The following PDE8A variants were observed in gnomAD, a reference collection of about 807,000 sequenced individuals.
PDE8A encodes the protein high affinity cAMP-specific and IBMX-insensitive 3',5'-cyclic phosphodiesterase 8A.
A neutral mutation model predicts 105.0 loss-of-function variants in PDE8A; 59 were observed. That is an observed-to-expected ratio of 0.56 (90% CI 0.46 to 0.70). PDE8A has a LOEUF of 0.70. Among genes scored for constraint, PDE8A ranks in the 30% least tolerant of loss-of-function variants. The pLI is 0.00. For missense variants in PDE8A, 1,014 were observed against 1,045.9 expected (o/e 0.97, Z 0.42); for synonymous variants, 355 against 371.9 (o/e 0.95, Z 0.52).
At chr15:85,090,406 A>G (rs2081622028) in intron 7 of PDE8A, among the ~76,000 whole-genome samples, 1 of 152,196 alleles carries the variant, frequency 6.6e-6, no homozygotes, top group Non-Finnish European at 1.5e-5. Context: ...TTTTATCATC[A>G]TCATCATTAG....
At chr15:85,012,463 C>T (rs1596441721) in intron 1 of PDE8A, among the ~76,000 whole-genome samples, 1 of 150,544 alleles carries the variant, frequency 6.6e-6, no homozygotes, top group Non-Finnish European at 1.5e-5. Flanking sequence ...AAACCAAACA[C>T]CGCATGTTCT....
chr15:85,109,115 T>G lies in PDE8A; in HGVS notation c.1099T>G (p.Ser367Ala). The change falls in exon 12 of 22, where the codon TCC becomes GCC. Residue 367 changes from serine (S) to alanine (A), a missense_variant. Transcript: ENST00000394553. The part of the protein sequence containing the change: ...KGSLDVKAVA[S>A]RATEVSSQRR... ...CTCACTAGACGTCAAAGCTGTTGCC[T>G]CCCGTGCAACTGAAGGTGAGTGACA... 1 of 1,609,370 alleles carries G rather than the reference T, an allele frequency of 6.2e-7. No individual in the cohort carries two copies. The highest frequency in any genetic ancestry group is 1.3e-5 in the African/African-American group (1 of 74,948).
In PDE8A at chr15:85,118,650, A is replaced by G. The variant is rs182997650; in HGVS notation, c.1734+811A>G. ...ACCTCAACAATGAGCTCCTCTCATC[A>G]TTTCTTCTCCTTTGTCCCAGTCACA... is the stretch of plus-strand genomic sequence containing the variant. On this transcript the variant is annotated intron_variant, in intron 17 of 21. Coordinates refer to ENST00000394553, the MANE Select transcript of PDE8A (RefSeq NM_002605.3). Among the ~76,000 whole-genome samples the G allele has an allele frequency of 2.6e-3, 395 of 152,258 alleles. 1 individual carries two copies. The highest frequency in any genetic ancestry group is 3.4e-3 in the Non-Finnish European group (229 of 68,020).
At chr15:85,024,951 A>G (rs1462856285) in intron 1 of PDE8A, among the ~76,000 whole-genome samples, 1 of 152,222 alleles carries the variant, frequency 6.6e-6, no homozygotes. Context: ...ATTACACATT[A>G]AAAAGTGCAT....
At chr15:85,019,251 A>T (rs770051450) in intron 1 of PDE8A, among the ~76,000 whole-genome samples, 1 of 152,208 alleles carries the variant, frequency 6.6e-6, no homozygotes, top group Non-Finnish European at 1.5e-5. Flanking sequence ...TGAAAATGGA[A>T]TTGTGGTTGA....
chr15:85,109,999 G>T (rs1362986413), intron 12 of PDE8A, among the ~76,000 whole-genome samples: 2 of 152,200 alleles, frequency 1.3e-5, no homozygotes, highest in East Asian at 3.8e-4. Context: ...TCTCTGTGTA[G>T]CCTTGAGGGT....
At position 85,021,635 on chromosome 15, in the gene PDE8A, A is replaced by C. The variant is rs542727098; in HGVS notation, c.186+39287A>C. On this transcript the variant is annotated intron_variant, in intron 1 of 21. Coordinates refer to ENST00000394553, the MANE Select transcript of PDE8A (RefSeq NM_002605.3). ...TGACTAAGACAACAGCAGAAGAAAA[A>C]AAAATACTGTTACTTTCTGATCTCA... is the stretch of plus-strand genomic sequence containing the variant. 3.4e-4 allele frequency among the ~76,000 whole-genome samples: 52 copies of C among 152,310 alleles called. No individual in the cohort carries two copies. In the South Asian group the frequency reaches 0.01, roughly 30 times the overall value.
At chr15:84,985,231 G>A (rs1276474408) in intron 1 of PDE8A, among the ~76,000 whole-genome samples, 1 of 152,190 alleles carries the variant, frequency 6.6e-6, no homozygotes, top group Non-Finnish European at 1.5e-5. Context: ...CTCAACGAAT[G>A]TAATTTGCTT....
intron 7 of PDE8A, among the ~76,000 whole-genome samples, chr15:85,090,419 C>T (rs1021579778): frequency 6.6e-6 from 1 of 152,154 alleles, no homozygotes. Context: ...ATCATTAGCA[C>T]GTGCACAGTT....
At chr15:85,000,912 A>G (rs1444111922) in intron 1 of PDE8A, among the ~76,000 whole-genome samples, 1 of 152,134 alleles carries the variant, frequency 6.6e-6, no homozygotes, top group Non-Finnish European at 1.5e-5. Flanking sequence ...TCATTTTTCT[A>G]ACTCCCAGAT....
At chr15:85,017,467 C>G (rs2080345463) in intron 1 of PDE8A, among the ~76,000 whole-genome samples, 1 of 150,570 alleles carries the variant, frequency 6.6e-6, no homozygotes, top group Non-Finnish European at 1.5e-5. Flanking sequence ...TGGATAGTAT[C>G]TTTAATACAG....
At chr15:85,046,632 A>G (rs1202891076) in intron 1 of PDE8A, among the ~76,000 whole-genome samples, 1 of 152,228 alleles carries the variant, frequency 6.6e-6, no homozygotes, top group Non-Finnish European at 1.5e-5. Context: ...AACAGACAAA[A>G]AAGAAGATAG....
intron 1 of PDE8A, among the ~76,000 whole-genome samples, chr15:85,051,997 G>A (rs925676202): frequency 1.6e-4 from 22 of 139,434 alleles, no homozygotes; most frequent in African/African-American, 4.8e-4. Flanking sequence ...AGCAGGCCCC[G>A]GTGTGTGATG....
intron 1 of PDE8A, among the ~76,000 whole-genome samples, chr15:85,020,092 G>A (rs896977713): frequency 6.6e-6 from 1 of 151,848 alleles, no homozygotes; most frequent in African/African-American, 2.4e-5. Flanking sequence ...AAAGAAGGAG[G>A]TTTATGGTTG....
chr15:85,012,275 A>G (rs2080251426), intron 1 of PDE8A, among the ~76,000 whole-genome samples: 1 of 152,196 alleles, frequency 6.6e-6, no homozygotes, highest in African/African-American at 2.4e-5. Flanking sequence ...ACTATTCACA[A>G]TAGCAAAGAC....
At chr15:85,004,838 T>G (rs2080120530) in intron 1 of PDE8A, among the ~76,000 whole-genome samples, 1 of 136,222 alleles carries the variant, frequency 7.3e-6, no homozygotes, top group African/African-American at 2.7e-5. Context: ...AATTACATTT[T>G]TTAATATTCT....
chr15:85,029,436 C>G (rs2080576118), intron 1 of PDE8A, among the ~76,000 whole-genome samples: 1 of 130,166 alleles, frequency 7.7e-6, no homozygotes, highest in African/African-American at 3.2e-5. Context: ...TTTTTAATGA[C>G]TTTATTTAAA....
intron 19 of PDE8A, among the ~76,000 whole-genome samples, chr15:85,124,253 G>T (rs1180273697): frequency 1.3e-5 from 2 of 152,162 alleles, no homozygotes. Context: ...GTAGAATGGG[G>T]ATAAGAAGTC....
intron 1 of PDE8A, among the ~76,000 whole-genome samples, chr15:85,015,433 A>G (rs1437698178): frequency 6.6e-6 from 1 of 152,006 alleles, no homozygotes; most frequent in Non-Finnish European, 1.5e-5. Flanking sequence ...TCTCAAAACT[A>G]CTGGGCTCAA....
Sources: allele counts gnomAD v4.1 joint callset (sites outside exome capture counted in the v4.1 genomes callset), GRCh38; gene constraint gnomAD v4.1.1; transcripts MANE v1.5; gene names NCBI Gene and HGNC (gene_info 2026-07-23, HGNC 2026-07-21).